Variants in FSTL5 observed in about 807,000 individuals in gnomAD.
The protein encoded by FSTL5 is follistatin like 5.
Under a neutral mutation model 89.1 loss-of-function variants are expected in FSTL5, and 62 were observed. The observed-to-expected ratio is 0.70, with a 90% CI of 0.57 to 0.86. The LOEUF (loss-of-function observed/expected upper bound fraction) is 0.86. Ranked by LOEUF, FSTL5 falls within the 40% of genes least tolerant of loss-of-function variation. FSTL5 has a pLI of 0.00. For synonymous variants in FSTL5, 383 were observed against 346.2 expected (o/e 1.11, Z -1.18); for missense variants, 1,057 against 1,001.6 (o/e 1.06, Z -0.75).
At chr4:161,546,428 A>G in intron 8 of FSTL5, among the ~76,000 whole-genome samples, 1 of 151,436 alleles carries the variant, frequency 6.6e-6, no homozygotes, top group Non-Finnish European at 1.5e-5. Context: ...CTTTCTTAAG[A>G]AAGGTGACAC....
At chr4:161,924,127 C>T (rs143076319) in intron 3 of FSTL5, among the ~76,000 whole-genome samples, 184 of 151,584 alleles carry the variant, frequency 1.2e-3, no homozygotes, top group Non-Finnish European at 2.3e-3. Flanking sequence ...AACTTATATC[C>T]TGGTAGCTTA....
intron 4 of FSTL5, among the ~76,000 whole-genome samples, chr4:161,784,513 TA>T (rs1188604804): frequency 6.6e-6 from 1 of 152,160 alleles, no homozygotes; most frequent in African/African-American, 2.4e-5. Context: ...TCTTTAACAC[TA>T]AACATCTTCT....
intron 6 of FSTL5, among the ~76,000 whole-genome samples, chr4:161,688,093 T>C (rs115998663): frequency 0.018 from 2,772 of 152,256 alleles, 86 homozygotes; most frequent in African/African-American, 0.062. Context: ...TGTTTTGTTT[T>C]GTTTTAAGAG....
intron 7 of FSTL5, among the ~76,000 whole-genome samples, chr4:161,633,657 T>A (rs1735580345): frequency 6.6e-6 from 1 of 152,208 alleles, no homozygotes; most frequent in African/African-American, 2.4e-5. Flanking sequence ...GCTTCCCCTT[T>A]TATTCAGTTA....
chr4:161,385,671 A>G lies in FSTL5; in HGVS notation c.*76T>C. On this transcript the variant is annotated 3_prime_UTR_variant, in exon 16 of 16. Transcript: ENST00000306100. ...GACTAGGATATAAACTTGGAAAGTTAAGTTGTAAATTTAAACAATGGATTA... is the reference window on the plus strand; with the variant it reads ...GACTAGGATATAAACTTGGAAAGTTGAGTTGTAAATTTAAACAATGGATTA... The G allele has an allele frequency of 2.7e-6, 3 of 1,119,292 alleles. No homozygotes were observed. Among genetic ancestry groups the G allele is most frequent in the Non-Finnish European group, 3.9e-6 (3 of 778,024 alleles). 69.3% of individuals were successfully genotyped at this position (1,119,292 alleles called of 1,614,324 possible). A position where few individuals can be genotyped will look rare whatever the true frequency, so the allele number is the denominator to read the frequency against.
At chr4:161,525,802 T>A (rs1429665320) in intron 10 of FSTL5, among the ~76,000 whole-genome samples, 1 of 152,150 alleles carries the variant, frequency 6.6e-6, no homozygotes, top group Non-Finnish European at 1.5e-5. Flanking sequence ...TCTCACCAAG[T>A]CTTGGTAATA....
At chr4:161,983,953 C>T (rs765245860) in intron 3 of FSTL5, among the ~76,000 whole-genome samples, 5 of 151,940 alleles carry the variant, frequency 3.3e-5, no homozygotes, top group Admixed American at 1.3e-4. Flanking sequence ...TACACAATAT[C>T]GGTAAAAAAC....
chr4:161,939,321 A>G (rs1734515786), intron 3 of FSTL5, among the ~76,000 whole-genome samples: 1 of 151,988 alleles, frequency 6.6e-6, no homozygotes, highest in African/African-American at 2.4e-5. Flanking sequence ...TAAAAGGCAT[A>G]TTTTTGCTTA....
At chr4:161,461,932 AG>A (rs1396979199) in intron 13 of FSTL5, among the ~76,000 whole-genome samples, 1 of 61,128 alleles carries the variant, frequency 1.6e-5, no homozygotes, top group African/African-American at 7.7e-5. Context: ...AAAAAGAAAC[AG>A]TAAAAAAAAA....
At chr4:161,567,457 C>T (rs1320521274) in intron 8 of FSTL5, among the ~76,000 whole-genome samples, 1 of 152,102 alleles carries the variant, frequency 6.6e-6, no homozygotes, top group Non-Finnish European at 1.5e-5. Context: ...AGTGTCATTA[C>T]ATTAATTAGT....
chr4:161,937,076 G>A (rs1734453533), intron 3 of FSTL5, among the ~76,000 whole-genome samples: 1 of 151,974 alleles, frequency 6.6e-6, no homozygotes, highest in Non-Finnish European at 1.5e-5. Flanking sequence ...TAACATGAAA[G>A]ATAAGACCAA....
At chr4:161,576,210 G>T (rs1733202958) in intron 8 of FSTL5, among the ~76,000 whole-genome samples, 1 of 152,108 alleles carries the variant, frequency 6.6e-6, no homozygotes, top group African/African-American at 2.4e-5. Flanking sequence ...CTCATAGATA[G>T]GAAGAATCAA....
At chr4:161,459,631 T>C (rs1733491074) in intron 13 of FSTL5, among the ~76,000 whole-genome samples, 1 of 152,074 alleles carries the variant, frequency 6.6e-6, no homozygotes, top group Admixed American at 6.6e-5. Context: ...TCATTACCTA[T>C]GCACATTGTG....
intron 3 of FSTL5, among the ~76,000 whole-genome samples, chr4:162,008,584 C>T (rs1736675715): frequency 2.0e-5 from 3 of 151,776 alleles, no homozygotes; most frequent in Non-Finnish European, 4.4e-5. Flanking sequence ...TGTTCTTTTT[C>T]TGTAGAAACA....
chr4:161,883,284 G>A (rs2126912992), intron 4 of FSTL5, among the ~76,000 whole-genome samples: 1 of 152,264 alleles, frequency 6.6e-6, no homozygotes, highest in African/African-American at 2.4e-5. Flanking sequence ...ACAGAGTGAA[G>A]AACATTCGGC....
intron 3 of FSTL5, among the ~76,000 whole-genome samples, chr4:161,942,833 T>C (rs971139549): frequency 2.0e-5 from 3 of 152,052 alleles, no homozygotes; most frequent in African/African-American, 7.2e-5. Flanking sequence ...GACAAAGCAA[T>C]TGGGAGAGGG....
chr4:161,866,091 A>G (rs1732077927), intron 4 of FSTL5, among the ~76,000 whole-genome samples: 1 of 152,204 alleles, frequency 6.6e-6, no homozygotes, highest in African/African-American at 2.4e-5. Flanking sequence ...TCTTACCTGG[A>G]AGGTATTTTA....
intron 3 of FSTL5, among the ~76,000 whole-genome samples, chr4:161,945,896 T>C (rs1734720543): frequency 6.6e-6 from 1 of 152,196 alleles, no homozygotes; most frequent in Non-Finnish European, 1.5e-5. Flanking sequence ...GTTTATCATG[T>C]ACCCCATACA....
intron 6 of FSTL5, among the ~76,000 whole-genome samples, chr4:161,733,523 G>A (rs2126764466): frequency 6.6e-6 from 1 of 151,918 alleles, no homozygotes; most frequent in Non-Finnish European, 1.5e-5. Flanking sequence ...CTTTTGTACT[G>A]TAGAACTTTT....
Sources: gnomAD v4.1 joint callset for allele counts (sites outside exome capture counted in the v4.1 genomes callset) on GRCh38, gnomAD v4.1.1 for gene constraint, MANE v1.5 for transcripts, NCBI Gene and HGNC (gene_info 2026-07-23, HGNC 2026-07-21) for gene names.